The following ADGRB1 variants were observed in gnomAD, a reference collection of about 807,000 sequenced individuals.
The protein encoded by ADGRB1 is brain-specific angiogenesis inhibitor 1.
Under a neutral mutation model 175.7 loss-of-function variants are expected in ADGRB1, and 36 were observed. The ratio of observed to expected loss-of-function variants is 0.20; its 90% CI spans 0.16 to 0.27. The LOEUF is 0.27. Among genes scored for constraint, ADGRB1 ranks in the 10% least tolerant of loss-of-function variants. The pLI, the probability that ADGRB1 is intolerant of heterozygous loss-of-function variation, is 1.00. For synonymous variants in ADGRB1, 1,054 were observed against 979.4 expected (o/e 1.08, Z -1.42); for missense variants, 1,731 against 2,255.3 (o/e 0.77, Z 4.71).
intron 1 of ADGRB1, among the ~76,000 whole-genome samples, chr8:142,456,081 G>A (rs557409530): frequency 1.3e-5 from 2 of 152,054 alleles, no homozygotes; most frequent in Non-Finnish European, 1.5e-5. Flanking sequence ...TCAGAGCCCC[G>A]GGGAAAAGGA....
intron 16 of ADGRB1, 83 bp from the exon 17 acceptor site, chr8:142,490,689 C>T (rs1388830807): frequency 6.8e-7 from 1 of 1,470,230 alleles, no homozygotes; most frequent in African/African-American, 1.4e-5. Flanking sequence ...GGTAGCACAC[C>T]TTTAGGTGGG....
chr8:142,500,266 A>ACGCGCCGCTCCTCCACCTCCCCC (rs1842435012), intron 17 of ADGRB1, among the ~76,000 whole-genome samples: 1 of 4,230 alleles, frequency 2.4e-4, no homozygotes, highest in Admixed American at 3.0e-3. Context: ...CCACCTCCCC[A>ACGCGCCGCTCCTCCACCTCCCCC]CGCGCCGCTC....
intron 24 of ADGRB1, among the ~76,000 whole-genome samples, chr8:142,531,639 G>A (rs1376731023): frequency 6.6e-6 from 1 of 152,210 alleles, no homozygotes; most frequent in Non-Finnish European, 1.5e-5. Context: ...AGACCCGGGA[G>A]GCACTGGCCA....
At chr8:142,526,863 C>A (rs1844234631) in intron 24 of ADGRB1, among the ~76,000 whole-genome samples, 1 of 152,184 alleles carries the variant, frequency 6.6e-6, no homozygotes, top group African/African-American at 2.4e-5. Flanking sequence ...CCCATAAAGT[C>A]CTCAGAAGCT....
At chr8:142,535,402 G>C (rs971190548) in intron 25 of ADGRB1, among the ~76,000 whole-genome samples, 1 of 152,130 alleles carries the variant, frequency 6.6e-6, no homozygotes, top group African/African-American at 2.4e-5. Flanking sequence ...AGACTTCCCC[G>C]AAGCCCCCAG....
At chr8:142,512,742 C>T (rs978839161) in intron 18 of ADGRB1, among the ~76,000 whole-genome samples, 4 of 152,212 alleles carry the variant, frequency 2.6e-5, no homozygotes, top group East Asian at 1.9e-4. Context: ...GTCCCAGGAA[C>T]GGGGCAGTCC....
intron 25 of ADGRB1, among the ~76,000 whole-genome samples, chr8:142,536,207 TG>T (rs1275820565): frequency 1.4e-5 from 2 of 146,068 alleles, no homozygotes; most frequent in Admixed American, 1.4e-4. Context: ...TGTGCTTTCA[TG>T]CCCCCCACCA....
chr8:142,488,302 G>T, intron 13 of ADGRB1, 62 bp from the exon 14 acceptor site: 1 of 1,594,202 alleles, frequency 6.3e-7, no homozygotes, highest in Non-Finnish European at 8.6e-7. Flanking sequence ...CGCAGCTGAG[G>T]CCCCGCCACA....
In ADGRB1 at chr8:142,521,939, C is replaced by T. The variant is rs371962086; in HGVS notation, c.3025-26C>T. 17 of 1,561,268 alleles carry T rather than the reference C, an allele frequency of 1.1e-5. No individual in the cohort carries two copies. The African/African-American group carries it at 1.6e-4, about 15-fold the overall frequency. On this transcript the variant is annotated intron_variant, in intron 20 of 30. Transcript: ENST00000517894. ...GTGGGGCCGGGGAGCACCTGCCCAGCCTGCCCCGCCCTGGGCCCCACACAG... is the reference window on the plus strand; with the variant it reads ...GTGGGGCCGGGGAGCACCTGCCCAGTCTGCCCCGCCCTGGGCCCCACACAG...
At chr8:142,502,418 T>G (rs1166810011) in intron 17 of ADGRB1, among the ~76,000 whole-genome samples, 8 of 56,130 alleles carry the variant, frequency 1.4e-4, no homozygotes, top group East Asian at 1.4e-3. Context: ...GTGGTGGTGG[T>G]GATGGTGGTG....
At chr8:142,539,563 G>T in intron 27 of ADGRB1, 150 bp downstream of exon 27, 1 of 943,508 alleles carries the variant, frequency 1.1e-6, no homozygotes, top group South Asian at 1.6e-5. Context: ...GGCCCACCTG[G>T]ACCCAGGGGA....
At chr8:142,499,058 C>G (rs886082200) in intron 17 of ADGRB1, among the ~76,000 whole-genome samples, 9 of 152,222 alleles carry the variant, frequency 5.9e-5, no homozygotes, top group African/African-American at 1.7e-4. Flanking sequence ...TGCTATCCAT[C>G]CCCCACCAAC....
In ADGRB1 at chr8:142,537,736, C is replaced by T. The variant is rs886286842; in HGVS notation, c.3666+654C>T. On this transcript the variant is annotated intron_variant, in intron 26 of 30. Coordinates refer to ENST00000517894, the MANE Select transcript of ADGRB1 (RefSeq NM_001702.3). The surrounding 1 kb of genome is among the most constrained non-coding windows in gnomAD (Gnocchi z 4.6). The stretch of plus-strand genomic sequence containing the variant: ...CCTGTCCTCTTTACAGCACAGCGTT[C>T]CCACGACACGCACAGGTCCTGGGAG... Among the ~76,000 whole-genome samples the T allele has an allele frequency of 1.3e-5, 2 of 152,150 alleles. No homozygotes were observed. Among genetic ancestry groups the T allele is most frequent in the Admixed American group, 1.3e-4 (2 of 15,286 alleles).
chr8:142,482,129 T>TTGTCACAAACTGAGCCC lies in ADGRB1; in HGVS notation c.2130+421_2130+437dup, dbSNP rs1182953735. ...CTGGTCACACTCTGAGTCCTGACCC[T>TTGTCACAAACTGAGCCC]TGTCACAAACTGAGCCCTGATCCTG... is the stretch of plus-strand genomic sequence containing the variant. On this transcript the variant is annotated intron_variant, in intron 11 of 30. Transcript: ENST00000517894. Among the ~76,000 whole-genome samples, 8 of 149,504 alleles carry TTGTCACAAACTGAGCCC rather than the reference T, an allele frequency of 5.4e-5. No homozygotes were observed. In the East Asian group the frequency reaches 1.2e-3, roughly 23 times the overall value.
Position 142,474,789 on chromosome 8 carries a change from A to C in ADGRB1, c.785-685A>C, listed in dbSNP as rs1840859263. The stretch of plus-strand genomic sequence containing the variant: ...TGAACAGAGCGGCCGGGGTCAGGGC[A>C]GGGGCGTGGCGGGGAGGCGCCTGCA... On this transcript the variant is annotated intron_variant, in intron 2 of 30. Coordinates refer to ENST00000517894, the MANE Select transcript of ADGRB1 (RefSeq NM_001702.3). This position sits in a 1 kb window ranked among gnomAD's most constrained non-coding sequence, Gnocchi z 5.8. Among the ~76,000 whole-genome samples, 1 of 152,054 alleles carries C rather than the reference A, an allele frequency of 6.6e-6. No homozygotes were observed. Among genetic ancestry groups the C allele is most frequent in the Non-Finnish European group, 1.5e-5 (1 of 67,956 alleles).
Position 142,510,916 on chromosome 8 carries a change from T to TTCCCC in ADGRB1, c.2676-16_2676-15insTCCCC. The TTCCCC allele has an allele frequency of 4.1e-6, 4 of 969,724 alleles. No homozygotes were observed. The highest frequency in any genetic ancestry group is 5.1e-6 in the Non-Finnish European group (4 of 789,286). The allele number at this position is 969,724 out of a possible 1,614,324, so 60.1% of individuals were successfully genotyped here. On this transcript the variant is annotated splice_polypyrimidine_tract_variant and intron_variant, in intron 17 of 30. Transcript: ENST00000517894. This position sits in a 1 kb window ranked among gnomAD's most constrained non-coding sequence, Gnocchi z 6.3. ...ACGCTCCGCCTGTCTCCCTCCCGTG[T>TTCCCC]CCCGCCCGCCCCCAGACCCTCCTCC... is the stretch of plus-strand genomic sequence containing the variant.
intron 17 of ADGRB1, among the ~76,000 whole-genome samples, chr8:142,501,919 G>A (rs541342906): frequency 0.011 from 1,489 of 131,812 alleles, 25 homozygotes; most frequent in Non-Finnish European, 0.015. Flanking sequence ...TGGTGGTGGC[G>A]GTGATGGCGA....
At chr8:142,486,967 T>C (rs1841701143) in intron 13 of ADGRB1, among the ~76,000 whole-genome samples, 1 of 152,110 alleles carries the variant, frequency 6.6e-6, no homozygotes, top group South Asian at 2.1e-4. Flanking sequence ...CTGCAGTGAG[T>C]TGTGATCACA....
At chr8:142,478,083 C>T in intron 6 of ADGRB1, 104 bp from the exon 7 acceptor site, 1 of 1,458,320 alleles carries the variant, frequency 6.9e-7, no homozygotes, top group Non-Finnish European at 9.3e-7. Flanking sequence ...ATGTCCCAGG[C>T]TGGGTGTGGG....
Sources: gnomAD v4.1 joint callset for allele counts (sites outside exome capture counted in the v4.1 genomes callset) on GRCh38, gnomAD v4.1.1 for gene constraint, Gnocchi (gnomAD v3.1) non-coding constraint, MANE v1.5 for transcripts, NCBI Gene and HGNC (gene_info 2026-07-23, HGNC 2026-07-21) for gene names.